Variants in MOG observed in about 807,000 individuals in gnomAD.
MOG encodes myelin oligodendrocyte glycoprotein.
MOG carries 20 observed loss-of-function variants against 35.9 expected under a neutral mutation model. That is an observed-to-expected ratio of 0.56 (90% CI 0.39 to 0.81). The LOEUF is 0.81. MOG is among the 30% of genes least tolerant of loss of function. The pLI is 0.00. For missense variants in MOG, 251 were observed against 301.0 expected (o/e 0.83, Z 1.23); for synonymous variants, 92 against 114.3 (o/e 0.80, Z 1.25).
intron 1 of MOG, among the ~76,000 whole-genome samples, chr6:29,657,534 A>T (rs1271368900): frequency 6.6e-6 from 1 of 150,966 alleles, no homozygotes; most frequent in East Asian, 1.9e-4. Flanking sequence ...CTCAGGCTGG[A>T]GTGCAGTGGC....
chr6:29,658,672 C>A (rs144695302), intron 1 of MOG, among the ~76,000 whole-genome samples: 4 of 152,254 alleles, frequency 2.6e-5, no homozygotes, highest in East Asian at 1.9e-4. Flanking sequence ...CAAGAGGGAA[C>A]CTAAAGGCTG....
chr6:29,657,889 CCCT>C (rs1161156349), intron 1 of MOG, among the ~76,000 whole-genome samples: 4 of 152,006 alleles, frequency 2.6e-5, no homozygotes, highest in Non-Finnish European at 5.9e-5. Context: ...AAGTGGTCTG[CCCT>C]CCTCAGCCTC....
chr6:29,660,974 G>T (rs368431522), intron 2 of MOG, among the ~76,000 whole-genome samples: 10 of 152,112 alleles, frequency 6.6e-5, no homozygotes, highest in Non-Finnish European at 1.0e-4. Flanking sequence ...CTCCCAAAGT[G>T]CTGGGATTAC....
In MOG at chr6:29,671,721, C is replaced by G; in HGVS notation, c.*536C>G. ...GGATATGAGTAGCCCCAACCCAAACCTGGAGATGGGGAGAAACCTACAGAA... is the reference window on the plus strand; with the variant it reads ...GGATATGAGTAGCCCCAACCCAAACGTGGAGATGGGGAGAAACCTACAGAA... On this transcript the variant is annotated 3_prime_UTR_variant, in exon 8 of 8. Coordinates refer to ENST00000376917, the MANE Select transcript of MOG (RefSeq NM_206809.4). 3.6e-6 allele frequency: 2 copies of G among 550,706 alleles called. No homozygotes were observed. Among genetic ancestry groups the G allele is most frequent in the South Asian group, 4.9e-5 (2 of 40,452 alleles). 34.1% of individuals were successfully genotyped at this position (550,706 alleles called of 1,614,324 possible).
chr6:29,667,887 A>C lies in MOG; in HGVS notation c.572-17A>C. 2.5e-6 allele frequency: 4 copies of C among 1,613,756 alleles called. No individual in the cohort carries two copies. The highest frequency in any genetic ancestry group is 2.5e-6 in the Non-Finnish European group (3 of 1,179,928). On this transcript the variant is annotated splice_polypyrimidine_tract_variant and intron_variant, in intron 4 of 7. Transcript: ENST00000376917. ...TGAGTGCCCTACTAAATCCATTTCCATTTGTTTCTCTTTCAGAGAATCTCC... is the reference window on the plus strand; with the variant it reads ...TGAGTGCCCTACTAAATCCATTTCCCTTTGTTTCTCTTTCAGAGAATCTCC...
Position 29,657,232 on chromosome 6 carries a change from C to T in MOG, c.23C>T (p.Ser8Phe). 6.2e-7 allele frequency: 1 copy of T among 1,610,950 alleles called. No individual in the cohort carries two copies. Among genetic ancestry groups the T allele is most frequent in the African/African-American group, 1.3e-5 (1 of 74,656 alleles). The change falls in exon 1 of 8, where the codon TCT (serine) becomes TTT (phenylalanine). Residue 8 changes from serine to phenylalanine, a missense_variant. By Grantham distance (155) the Ser-to-Phe change is radical. Coordinates refer to ENST00000376917, the MANE Select transcript of MOG (RefSeq NM_206809.4). MASLSRP[S>F]LPSCLCSFLL... ...GAGATGGCAAGCTTATCAAGACCCT[C>T]TCTGCCCAGCTGCCTCTGCTCCTTC...
chr6:29,671,540 TCTC>T lies in MOG; in HGVS notation c.*359_*361del. 2 of 923,828 alleles carry T rather than the reference TCTC, an allele frequency of 2.2e-6. No homozygotes were observed. Among genetic ancestry groups the T allele is most frequent in the Non-Finnish European group, 3.6e-6 (2 of 554,768 alleles). The allele number at this position is 923,828 out of a possible 1,614,324, so 57.2% of individuals were successfully genotyped here. On this transcript the variant is annotated 3_prime_UTR_variant, in exon 8 of 8. Transcript: ENST00000376917. Reference sequence around the variant, plus strand: ...TCTGCCATGAACTGGAGGCCAGGAATCTCCTCACTGAAAATTACAGTATGGTAA... The same window carrying T: ...TCTGCCATGAACTGGAGGCCAGGAATCTCACTGAAAATTACAGTATGGTAA...
At chr6:29,658,387 A>G (rs1335440287) in intron 1 of MOG, among the ~76,000 whole-genome samples, 1 of 152,044 alleles carries the variant, frequency 6.6e-6, no homozygotes, top group Non-Finnish European at 1.5e-5. Context: ...AAAACAAGGA[A>G]CTTTTTCGGG....
chr6:29,657,647 C>A (rs9295809), intron 1 of MOG, among the ~76,000 whole-genome samples: 2,736 of 145,476 alleles, frequency 0.019, 40 homozygotes, highest in Admixed American at 0.036. Flanking sequence ...CCACACCCAG[C>A]TAAATTTTTT....
In MOG at chr6:29,659,726, C is replaced by T. The variant is rs1768083890; in HGVS notation, c.436+60C>T. 4.3e-6 allele frequency: 6 copies of T among 1,384,934 alleles called. No homozygotes were observed. In the Admixed American group the frequency reaches 9.3e-5, roughly 22 times the overall value. The allele number at this position is 1,384,934 out of a possible 1,614,324, so 85.8% of individuals were successfully genotyped here. On this transcript the variant is annotated intron_variant, in intron 2 of 7. Coordinates refer to ENST00000376917, the MANE Select transcript of MOG (RefSeq NM_206809.4). ...TTGGGTGGCCAAGAACAATTATTCT[C>T]TCAACTGAGATGAGATCCCTCAACC...
In MOG at chr6:29,659,513, C is replaced by T. The variant is rs373694131; in HGVS notation, c.283C>T (p.Arg95Trp). The change falls in exon 2 of 8, where the codon CGG (arginine) becomes TGG (tryptophan). Residue 95 changes from arginine to tryptophan, a missense_variant. Coordinates refer to ENST00000376917, the MANE Select transcript of MOG (RefSeq NM_206809.4). ...AGATGGAGACCAGGCACCTGAATATCGGGGCCGGACAGAGCTGCTGAAAGA... is the reference window on the plus strand; with the variant it reads ...AGATGGAGACCAGGCACCTGAATATTGGGGCCGGACAGAGCTGCTGAAAGA... ...DQDGDQAPEY[R>W]GRTELLKDAI... 5 of 1,612,974 alleles carry T rather than the reference C, an allele frequency of 3.1e-6. No individual in the cohort carries two copies. The East Asian group carries it at 6.7e-5, about 22-fold the overall frequency.
In MOG at chr6:29,660,562, G is replaced by GCACACACACACA. The variant is rs35514085; in HGVS notation, c.436+912_436+923dup. On this transcript the variant is annotated intron_variant, in intron 2 of 7. Transcript: ENST00000376917. ...AAAAAAAAACCCTGTATTTGTGAGC[G>GCACACACACACA]CACACACACACACACACACACACAC... Among the ~76,000 whole-genome samples the GCACACACACACA allele has an allele frequency of 3.9e-5, 5 of 129,174 alleles. 1 individual carries two copies. The highest frequency in any genetic ancestry group is 6.3e-5 in the Non-Finnish European group (4 of 63,280). 84.7% of individuals were successfully genotyped at this position (129,174 alleles called of 152,430 possible).
chr6:29,663,854 G>GTCTATCATTACCTCTAAGATA, intron 2 of MOG: 1 of 610,850 alleles, frequency 1.6e-6, no homozygotes, highest in Non-Finnish European at 2.0e-6. Context: ...ATGATAGACA[G>GTCTATCATTACCTCTAAGATA]GAGCCTTAGT....
At chr6:29,659,816 C>A in intron 2 of MOG, 150 bp downstream of exon 2, 1 of 706,572 alleles carries the variant, frequency 1.4e-6, no homozygotes, top group Non-Finnish European at 2.5e-6. Context: ...GAAACTCATG[C>A]TTAGGGATGT....
At chr6:29,659,692 T>C (rs781218757) in intron 2 of MOG, 26 bp downstream of exon 2, 1 of 1,584,560 alleles carries the variant, frequency 6.3e-7, no homozygotes, top group Admixed American at 1.7e-5. Flanking sequence ...TAATATTAGG[T>C]ATTAACTGTT....
At chr6:29,661,300 G>A (rs1055488659) in intron 2 of MOG, 1 of 832,584 alleles carries the variant, frequency 1.2e-6, no homozygotes, top group Non-Finnish European at 1.4e-6. Flanking sequence ...CATTGTATGT[G>A]GAACAACAAA....
intron 2 of MOG, chr6:29,664,622 TGAGA>T: frequency 2.2e-6 from 1 of 444,526 alleles, no homozygotes; most frequent in Admixed American, 2.4e-5. Flanking sequence ...TTTTTTTTTT[TGAGA>T]CAGTGTCTCA....
chr6:29,662,865 G>A lies in MOG; in HGVS notation c.436+3199G>A, dbSNP rs1490327936. ...TTTTGTAGAGACTGGGTTTTACCAT[G>A]TTGATCAGGCTGGTCTCAAACTCCT... On this transcript the variant is annotated intron_variant, in intron 2 of 7. Coordinates refer to ENST00000376917, the MANE Select transcript of MOG (RefSeq NM_206809.4). The surrounding 1 kb of genome is among the most constrained non-coding windows in gnomAD (Gnocchi z 4.2). Among the ~76,000 whole-genome samples the A allele has an allele frequency of 6.6e-6, 1 of 151,590 alleles. No individual in the cohort carries two copies. The highest frequency in any genetic ancestry group is 1.5e-5 in the Non-Finnish European group (1 of 67,942).
In MOG at chr6:29,666,232, C is replaced by CTCGT; in HGVS notation, c.519_520insGTTC (p.Ile174ValfsTer26). 6.2e-7 allele frequency: 1 copy of CTCGT among 1,612,134 alleles called. No homozygotes were observed. The highest frequency in any genetic ancestry group is 2.2e-5 in the East Asian group (1 of 44,860). ...GCTCCTCCTGCAGATCACTGTTGGCCTCATCTTCCTCTGCCTGCAGTACAG... is the reference window on the plus strand; with the variant it reads ...GCTCCTCCTGCAGATCACTGTTGGCCTCGTTCATCTTCCTCTGCCTGCAGTACAG... On this transcript the variant is annotated frameshift_variant, in exon 3 of 8. Coordinates refer to ENST00000376917, the MANE Select transcript of MOG (RefSeq NM_206809.4). LOFTEE classifies it high-confidence loss of function.
Sources: allele counts gnomAD v4.1 joint callset (sites outside exome capture counted in the v4.1 genomes callset), GRCh38; gene constraint gnomAD v4.1.1; non-coding constraint Gnocchi (gnomAD v3.1); transcripts MANE v1.5; gene names NCBI Gene and HGNC (gene_info 2026-07-23, HGNC 2026-07-21).